The following HEPACAM2 variants were observed in gnomAD, a reference collection of about 807,000 sequenced individuals.
HEPACAM2 encodes mitotic kinetics regulator.
A neutral mutation model predicts 49.6 loss-of-function variants in HEPACAM2; 49 were observed. The observed-to-expected ratio is 0.99, with a 90% CI of 0.78 to 1.25. The LOEUF (loss-of-function observed/expected upper bound fraction) is 1.25, where lower values mean the gene tolerates loss of function less well. HEPACAM2 is among the 50% of genes most tolerant of loss of function. The pLI, the probability that HEPACAM2 is intolerant of heterozygous loss-of-function variation, is 0.00. For missense variants in HEPACAM2, 525 were observed against 557.2 expected, an observed-to-expected ratio of 0.94 and a Z score of 0.58; for synonymous variants, 197 against 202.9, an observed-to-expected ratio of 0.97 and a Z score of 0.25.
chr7:93,217,810 A>G (rs1221063433), intron 2 of HEPACAM2, among the ~76,000 whole-genome samples: 1 of 151,830 alleles, frequency 6.6e-6, no homozygotes, highest in Non-Finnish European at 1.5e-5. Flanking sequence ...AAAAAGAGAG[A>G]AGCAGAATTG....
chr7:93,226,577 G>T, upstream of HEPACAM2: 1 of 661,332 alleles, frequency 1.5e-6, no homozygotes, highest in South Asian at 1.8e-5. Flanking sequence ...GAATGAATGT[G>T]TATACAAAGG....
intron 8 of HEPACAM2, among the ~76,000 whole-genome samples, chr7:93,195,440 A>G (rs749909641): frequency 8.6e-5 from 13 of 152,006 alleles, no homozygotes; most frequent in Non-Finnish European, 1.8e-4. Context: ...GCTGATCTCA[A>G]ACTCCTGGGC....
intron 3 of HEPACAM2, among the ~76,000 whole-genome samples, chr7:93,211,985 C>T (rs1016177718): frequency 6.6e-6 from 1 of 151,996 alleles, no homozygotes; most frequent in African/African-American, 2.4e-5. Context: ...AGTGTTACTC[C>T]TTTTCAAGCA....
intron 1 of HEPACAM2, chr7:93,225,767 T>G (rs1228231094): frequency 4.8e-6 from 2 of 419,716 alleles, no homozygotes; most frequent in Non-Finnish European, 8.4e-6. Context: ...AAAAAAATTC[T>G]TAATAGGACT....
At chr7:93,231,859 A>G in the HEPACAM2 span, among the ~76,000 whole-genome samples, 3 of 152,256 alleles carry the variant, frequency 2.0e-5, no homozygotes, top group East Asian at 3.9e-4. Context: ...AGGGCCGCCT[A>G]TTGGGCAACC....
chr7:93,227,067 G>C (rs1044074614), upstream of HEPACAM2, among the ~76,000 whole-genome samples: 3 of 152,142 alleles, frequency 2.0e-5, no homozygotes, highest in African/African-American at 4.8e-5. Flanking sequence ...GCAAATCACA[G>C]GTGTGTTTCC....
In HEPACAM2 at chr7:93,208,761, G is replaced by A; in HGVS notation, c.831C>T (p.Pro277=). 6.2e-7 allele frequency: 1 copy of A among 1,613,050 alleles called. No homozygotes were observed. The highest frequency in any genetic ancestry group is 8.5e-7 in the Non-Finnish European group (1 of 1,179,364). The change falls in exon 4 of 10, where the codon CCC becomes CCT. Residue 277 remains proline, a synonymous_variant. Coordinates refer to ENST00000394468, the MANE Select transcript of HEPACAM2 (RefSeq NM_001039372.4). ...TCCTCCTAATCCAGGAGTAGGTGTTGGGGGGATGAGAATCAGCAGAACAAT... is the reference window on the plus strand; with the variant it reads ...TCCTCCTAATCCAGGAGTAGGTGTTAGGGGGATGAGAATCAGCAGAACAAT... The part of the protein sequence containing the change: ...LFDCSADSHP[P]NTYSWIRRTD...
At chr7:93,224,333 A>G (rs532258406) in intron 1 of HEPACAM2, among the ~76,000 whole-genome samples, 1 of 152,248 alleles carries the variant, frequency 6.6e-6, no homozygotes, top group Non-Finnish European at 1.5e-5. Flanking sequence ...TATTTTTAGT[A>G]GTCCAAATAT....
At position 93,215,393 on chromosome 7, in the gene HEPACAM2, A is replaced by T; in HGVS notation, c.715+8T>A. 6.2e-7 allele frequency: 1 copy of T among 1,605,054 alleles called. No individual in the cohort carries two copies. ...AACAACTCATGAGTTAAAAAAAAAT[A>T]AACTTACAATATATGATGGGCATAA... On this transcript the variant is annotated splice_region_variant and intron_variant, in intron 3 of 9. Transcript: ENST00000394468.
chr7:93,206,279 A>G (rs1794026572), intron 4 of HEPACAM2, among the ~76,000 whole-genome samples: 1 of 152,056 alleles, frequency 6.6e-6, no homozygotes, highest in African/African-American at 2.4e-5. Flanking sequence ...AATCTGGTTA[A>G]GCCTATAAAA....
In HEPACAM2 at chr7:93,204,681, C is replaced by T. The variant is rs376124644; in HGVS notation, c.1012+3899G>A. Among the ~76,000 whole-genome samples the T allele has an allele frequency of 1.3e-4, 20 of 152,046 alleles. No homozygotes were observed. In the East Asian group the frequency reaches 1.9e-3, roughly 15 times the overall value. On this transcript the variant is annotated intron_variant, in intron 4 of 9. Transcript: ENST00000394468. ...ATTAGATAGGTGATGAGAAAGTACA[C>T]GTACATAGCATTAAATTGGATAGGT...
Position 93,195,908 on chromosome 7 carries a change from TG to T in HEPACAM2, c.1202-8del. On this transcript the variant is annotated splice_region_variant and splice_polypyrimidine_tract_variant and intron_variant, in intron 7 of 9. Coordinates refer to ENST00000394468, the MANE Select transcript of HEPACAM2 (RefSeq NM_001039372.4). Reference sequence around the variant, plus strand: ...TCCAGAGCATCTTCATGGCCTGAAATGTAAAACAAATACTGCTTACAAACCG... The same window carrying T: ...TCCAGAGCATCTTCATGGCCTGAAATTAAAACAAATACTGCTTACAAACCG... 1 of 1,605,260 alleles carries T rather than the reference TG, an allele frequency of 6.2e-7. No homozygotes were observed. The highest frequency in any genetic ancestry group is 1.7e-4 in the Middle Eastern group (1 of 6,036).
chr7:93,190,517 G>T (rs958665650), intron 9 of HEPACAM2, among the ~76,000 whole-genome samples: 1 of 151,932 alleles, frequency 6.6e-6, no homozygotes, highest in African/African-American at 2.4e-5. Flanking sequence ...GAAGAGAGAG[G>T]CTGTGGGAGG....
At chr7:93,223,467 A>G (rs1177114523) in intron 1 of HEPACAM2, among the ~76,000 whole-genome samples, 2 of 152,140 alleles carry the variant, frequency 1.3e-5, no homozygotes, top group African/African-American at 4.8e-5. Flanking sequence ...AAATAACACT[A>G]CATTAGTAGA....
At chr7:93,215,215 T>C (rs1584349705) in intron 3 of HEPACAM2, among the ~76,000 whole-genome samples, 186 bp downstream of exon 3, 3 of 152,044 alleles carry the variant, frequency 2.0e-5, no homozygotes, top group East Asian at 1.9e-4. Context: ...CTTTAAGAAA[T>C]AGGATTGTGC....
chr7:93,231,536 G>A, the HEPACAM2 span, among the ~76,000 whole-genome samples: 1 of 152,150 alleles, frequency 6.6e-6, no homozygotes, highest in Non-Finnish European at 1.5e-5. Context: ...ACAGGTACTC[G>A]GCTTTCGATA....
intron 4 of HEPACAM2, among the ~76,000 whole-genome samples, chr7:93,208,109 C>G (rs1794075770): frequency 6.6e-6 from 1 of 151,932 alleles, no homozygotes; most frequent in Non-Finnish European, 1.5e-5. Context: ...TTGTGAACTT[C>G]CATAGATTTC....
intron 4 of HEPACAM2, among the ~76,000 whole-genome samples, chr7:93,207,796 C>A (rs984678289): frequency 6.6e-6 from 1 of 151,662 alleles, no homozygotes; most frequent in Non-Finnish European, 1.5e-5. Context: ...GCAGAGACAT[C>A]CAGAGGCAGC....
upstream of HEPACAM2, among the ~76,000 whole-genome samples, chr7:93,230,493 C>T (rs1794604137): frequency 6.6e-6 from 1 of 152,154 alleles, no homozygotes; most frequent in South Asian, 2.1e-4. Context: ...CTCAGATCAC[C>T]CCTAAGATAT....
Sources: gnomAD v4.1 joint callset for allele counts (sites outside exome capture counted in the v4.1 genomes callset) on GRCh38, gnomAD v4.1.1 for gene constraint, MANE v1.5 for transcripts, NCBI Gene and HGNC (gene_info 2026-07-23, HGNC 2026-07-21) for gene names.